The following FBXO38 variants were observed in gnomAD, a reference collection of about 807,000 sequenced individuals.
FBXO38 encodes the protein F-box only protein 38.
In FBXO38, 53 loss-of-function variants were observed where a neutral mutation model predicts 131.9. The ratio of observed to expected loss-of-function variants is 0.40; its 90% confidence interval spans 0.32 to 0.51. The LOEUF (loss-of-function observed/expected upper bound fraction) is 0.51, where lower values mean the gene tolerates loss of function less well. Among genes scored for constraint, FBXO38 ranks in the 20% least tolerant of loss-of-function variants. FBXO38 has a pLI of 0.53. For missense variants in FBXO38, 1,076 were observed against 1,475.6 expected (o/e 0.73, Z 4.44); for synonymous variants, 452 against 505.6 (o/e 0.89, Z 1.42).
At chr5:148,430,273 G>C (rs1753968153) in intron 15 of FBXO38, 1 of 150,940 alleles carries the variant, frequency 6.6e-6, no homozygotes, top group Non-Finnish European at 1.5e-5. Context: ...TCCTGCCTCA[G>C]CCTCCCCAGT....
At chr5:148,385,587 G>A (rs1757870200) in intron 1 of FBXO38, among the ~76,000 whole-genome samples, 1 of 152,068 alleles carries the variant, frequency 6.6e-6, no homozygotes, top group South Asian at 2.1e-4. Context: ...ATGATTCCTA[G>A]GCCTTTTTCA....
chr5:148,438,939 A>G (rs912935908), intron 18 of FBXO38, among the ~76,000 whole-genome samples: 1 of 152,212 alleles, frequency 6.6e-6, no homozygotes, highest in Non-Finnish European at 1.5e-5. Context: ...TATATTGTAT[A>G]TAAGGTTCTG....
rs551070637 is a variant in FBXO38, at chr5:148,389,668, C to G, written c.-63-5046C>G. 3.9e-5 allele frequency: 6 copies of G among 152,278 alleles called. No individual in the cohort carries two copies. In the South Asian group the frequency reaches 1.2e-3, roughly 32 times the overall value. The allele number at this position is 152,278 out of a possible 1,614,324, so 9.4% of individuals were successfully genotyped here. A position where few individuals can be genotyped will look rare whatever the true frequency, so the allele number is the denominator to read the frequency against. On this transcript the variant is annotated intron_variant, in intron 1 of 21. Coordinates refer to ENST00000340253, the MANE Select transcript of FBXO38 (RefSeq NM_205836.3). ...ACACAAGGCTAGTGATGGCAGTTTT[C>G]TCCTCACTTTCTTTGGTTCCTCTTC...
chr5:148,400,923 C>G (rs1048424718), intron 3 of FBXO38, among the ~76,000 whole-genome samples: 6 of 152,026 alleles, frequency 3.9e-5, no homozygotes, highest in African/African-American at 1.4e-4. Context: ...TTGAATCGTT[C>G]AGTCATTAAA....
chr5:148,430,152 A>ATTTAT (rs374898610), intron 15 of FBXO38: 2 of 118,672 alleles, frequency 1.7e-5, no homozygotes, highest in Non-Finnish European at 3.2e-5. Flanking sequence ...AATTATTATT[A>ATTTAT]TTATTATTTT....
At chr5:148,384,416 A>G (rs923271667) in intron 1 of FBXO38, among the ~76,000 whole-genome samples, 3 of 152,174 alleles carry the variant, frequency 2.0e-5, no homozygotes, top group African/African-American at 7.2e-5. Context: ...TGTTTCGGCC[A>G]GTAAAGTGAA....
intron 12 of FBXO38, 55 bp from the exon 13 acceptor site, chr5:148,423,943 A>G (rs533028236): frequency 6.4e-6 from 10 of 1,551,244 alleles, no homozygotes; most frequent in South Asian, 6.1e-5. Context: ...TTTGCCTGCC[A>G]TTGTAGTTCT....
chr5:148,442,346 A>T lies in FBXO38; in HGVS notation c.*199A>T, dbSNP rs1754738132. 2.5e-6 allele frequency: 1 copy of T among 403,774 alleles called. No individual in the cohort carries two copies. The highest frequency in any genetic ancestry group is 2.0e-5 in the African/African-American group (1 of 49,134). The allele number at this position is 403,774 out of a possible 1,614,324, so 25.0% of individuals were successfully genotyped here. ...ATACAAAGACGCTTCCTAAAGTACC[A>T]ACTTTATATCATATGTTTATACAAT... On this transcript the variant is annotated 3_prime_UTR_variant, in exon 22 of 22. Transcript: ENST00000340253.
At chr5:148,388,020 GAAA>G (rs1758006841) in intron 1 of FBXO38, among the ~76,000 whole-genome samples, 1 of 85,456 alleles carries the variant, frequency 1.2e-5, no homozygotes, top group African/African-American at 4.0e-5. Flanking sequence ...AATATGACTT[GAAA>G]GTTGAAAGTT....
intron 15 of FBXO38, 103 bp downstream of exon 15, chr5:148,428,050 A>G: frequency 1.5e-6 from 2 of 1,317,010 alleles, no homozygotes; most frequent in East Asian, 2.5e-5. Flanking sequence ...GGCAAATTAA[A>G]TTCTATTTTG....
chr5:148,412,430 G>T (rs967704865), intron 9 of FBXO38, among the ~76,000 whole-genome samples: 1 of 152,122 alleles, frequency 6.6e-6, no homozygotes, highest in African/African-American at 2.4e-5. Context: ...TAAAACTTGA[G>T]TCACTTTCTT....
chr5:148,408,928 G>A (rs1312880891), intron 7 of FBXO38, among the ~76,000 whole-genome samples, 196 bp from the exon 8 acceptor site: 2 of 151,898 alleles, frequency 1.3e-5, no homozygotes, highest in Non-Finnish European at 2.9e-5. Context: ...GCAAAATGAG[G>A]GTCTGCTTTC....
intron 6 of FBXO38, 77 bp from the exon 7 acceptor site, chr5:148,406,180 T>A: frequency 7.4e-7 from 1 of 1,352,896 alleles, no homozygotes; most frequent in Non-Finnish European, 1.0e-6. Context: ...TTATAAGTTA[T>A]ACATGTCTTT....
chr5:148,434,339 G>A (rs763338884), intron 17 of FBXO38: 3 of 152,070 alleles, frequency 2.0e-5, no homozygotes, highest in Admixed American at 6.6e-5. Flanking sequence ...TAGGGCATTA[G>A]TTTTGTGCTT....
intron 1 of FBXO38, among the ~76,000 whole-genome samples, chr5:148,390,531 T>C (rs994071083): frequency 4.6e-5 from 7 of 152,200 alleles, no homozygotes; most frequent in African/African-American, 1.7e-4. Flanking sequence ...AGGAATAGTT[T>C]TACCTAAAAT....
intron 9 of FBXO38, among the ~76,000 whole-genome samples, chr5:148,411,762 C>G (rs1410434467): frequency 6.6e-6 from 1 of 152,036 alleles, no homozygotes; most frequent in African/African-American, 2.4e-5. Flanking sequence ...AAAAGATCAG[C>G]TTTTCTCCAA....
chr5:148,417,730 T>G (rs570303948), intron 12 of FBXO38, among the ~76,000 whole-genome samples: 66 of 152,314 alleles, frequency 4.3e-4, no homozygotes, highest in Middle Eastern at 3.4e-3. Flanking sequence ...TCCAGTTCAT[T>G]AATATATATT....
chr5:148,398,674 CTGTT>C (rs1751961642), intron 2 of FBXO38, among the ~76,000 whole-genome samples: 1 of 150,750 alleles, frequency 6.6e-6, no homozygotes, highest in South Asian at 2.1e-4. Context: ...TTGAAAAGCA[CTGTT>C]TTTTTTTTTT....
rs150956377 is a variant in FBXO38, at chr5:148,406,616, G to A, written c.868+222G>A. 6.4e-4 allele frequency among the ~76,000 whole-genome samples: 97 copies of A among 152,178 alleles called. 3 individuals are homozygous for A. In the East Asian group the frequency reaches 0.017, roughly 26 times the overall value. ...CTTAAAATAGACAGTAGAGTGATAA[G>A]ACATGTTTTCTGGCTTGTTTTGACT... On this transcript the variant is annotated intron_variant, in intron 7 of 21. Coordinates refer to ENST00000340253, the MANE Select transcript of FBXO38 (RefSeq NM_205836.3).
Sources: allele counts gnomAD v4.1 joint callset (sites outside exome capture counted in the v4.1 genomes callset), GRCh38; gene constraint gnomAD v4.1.1; transcripts MANE v1.5; gene names NCBI Gene and HGNC (gene_info 2026-07-23, HGNC 2026-07-21).